Variants in DHX37 observed in about 807,000 individuals in gnomAD.
DHX37 encodes the protein probable ATP-dependent RNA helicase DHX37.
DHX37 carries 52 observed loss-of-function variants against 134.3 expected under a neutral mutation model. The observed-to-expected ratio is 0.39, with a 90% CI of 0.31 to 0.49. The LOEUF is 0.49. DHX37 is among the 20% of genes least tolerant of loss of function. The pLI is 0.93. For synonymous variants in DHX37, 634 were observed against 670.7 expected, an observed-to-expected ratio of 0.95 and a Z score of 0.85; for missense variants, 1,344 against 1,580.8, an observed-to-expected ratio of 0.85 and a Z score of 2.54.
chr12:124,973,631 C>A (rs1224195648), intron 6 of DHX37, among the ~76,000 whole-genome samples: 8 of 124,802 alleles, frequency 6.4e-5, no homozygotes, highest in East Asian at 2.8e-4. Context: ...ATGCGCCCCC[C>A]CCAACGCTTT....
intron 8 of DHX37, 30 bp downstream of exon 8, chr12:124,971,272 G>A (rs780549206): frequency 1.9e-6 from 3 of 1,604,252 alleles, no homozygotes; most frequent in Non-Finnish European, 1.7e-6. Context: ...CTAGGGCTCG[G>A]GGCTCCCCAG....
intron 1 of DHX37, 24 bp from the exon 2 acceptor site, chr12:124,986,289 C>G: frequency 6.2e-7 from 1 of 1,609,646 alleles, no homozygotes; most frequent in Non-Finnish European, 8.5e-7. Flanking sequence ...GTTATTAAGT[C>G]CCCATTCTCC....
At chr12:124,950,953 C>G in intron 21 of DHX37, 149 bp from the exon 22 acceptor site, 1 of 1,198,786 alleles carries the variant, frequency 8.3e-7, no homozygotes, top group Non-Finnish European at 1.1e-6. Flanking sequence ...CCCATCCACA[C>G]GCTGGAGTCT....
intron 21 of DHX37, 94 bp downstream of exon 21, chr12:124,952,304 G>A (rs4375522): frequency 0.6 from 802,008 of 1,347,872 alleles, 242,267 homozygotes; most frequent in East Asian, 0.83. Context: ...ACAGCTGAGA[G>A]GGAACAAGCC....
intron 15 of DHX37, among the ~76,000 whole-genome samples, chr12:124,962,981 G>A (rs548195159): frequency 5.9e-5 from 9 of 152,198 alleles, no homozygotes; most frequent in Non-Finnish European, 8.8e-5. Context: ...GTTACCATAC[G>A]GCCCAGCGGT....
At chr12:124,977,752 C>T (rs566690073) in intron 4 of DHX37, among the ~76,000 whole-genome samples, 6 of 152,298 alleles carry the variant, frequency 3.9e-5, no homozygotes, top group South Asian at 2.1e-4. Context: ...CGGGAACCCT[C>T]GGCTGTTGCT....
In DHX37 at chr12:124,954,196, G is replaced by A. The variant is rs772647267; in HGVS notation, c.2469C>T (p.Asp823=). Residue 823 remains aspartate (D), a synonymous_variant, in exon 19 of 27, where the codon GAC becomes GAT. Coordinates refer to ENST00000308736, the MANE Select transcript of DHX37 (RefSeq NM_032656.4). ...FEELDRPAAS[D]EELTRLKSKR... is the part of the protein sequence containing the mutation. ...TGCTCTTCAGCCTGGTGAGCTCCTC[G>A]TCACTGGCCGCTGGTCTGCAAACAC... 9.4e-6 allele frequency: 15 copies of A among 1,601,404 alleles called. No homozygotes were observed. In the Admixed American group the frequency reaches 1.0e-4, roughly 11 times the overall value.
chr12:124,957,002 AC>A (rs1240389289), intron 17 of DHX37, 26 bp downstream of exon 17: 11 of 1,525,774 alleles, frequency 7.2e-6, no homozygotes, highest in Non-Finnish European at 9.7e-6. Context: ...CGGGGCAGGA[AC>A]TGGGCTCTGC....
intron 16 of DHX37, among the ~76,000 whole-genome samples, chr12:124,959,277 G>C (rs11833488): frequency 6.6e-6 from 1 of 151,708 alleles, no homozygotes; most frequent in South Asian, 2.1e-4. Flanking sequence ...GTTTCACCTT[G>C]TTGGCCAAGC....
chr12:124,975,259 G>C (rs1248948287), intron 6 of DHX37, among the ~76,000 whole-genome samples, 160 bp downstream of exon 6: 1 of 152,156 alleles, frequency 6.6e-6, no homozygotes, highest in Non-Finnish European at 1.5e-5. Flanking sequence ...GCAGGTCCTG[G>C]AAAGTTCTCT....
intron 12 of DHX37, among the ~76,000 whole-genome samples, chr12:124,966,458 G>A (rs1458705710): frequency 6.6e-6 from 1 of 152,134 alleles, no homozygotes; most frequent in Non-Finnish European, 1.5e-5. Context: ...TGACCTCCTG[G>A]GCTCAGATGG....
rs1041287907 is a variant in DHX37 at position 124,949,826 on chromosome 12, G to A, written c.3290+160C>T. ...GCAAGACGGACCCTCCCCGAGAGCCGCTGCACAGACCGTGGCTCTGCAGAG... is the reference window on the plus strand; with the variant it reads ...GCAAGACGGACCCTCCCCGAGAGCCACTGCACAGACCGTGGCTCTGCAGAG... On this transcript the variant is annotated intron_variant, in intron 25 of 26. Transcript: ENST00000308736. This position sits in a 1 kb window ranked among gnomAD's most constrained non-coding sequence, Gnocchi z 4.0. Among the ~76,000 whole-genome samples the A allele has an allele frequency of 2.6e-5, 4 of 152,138 alleles. No individual in the cohort carries two copies. The highest frequency in any genetic ancestry group is 9.7e-5 in the African/African-American group (4 of 41,418).
chr12:124,968,091 A>G (rs76644451), intron 10 of DHX37, among the ~76,000 whole-genome samples: 1 of 3,946 alleles, frequency 2.5e-4, no homozygotes, highest in Non-Finnish European at 4.1e-3. Context: ...AAAAAAAAAA[A>G]GTCTGGCTGG....
intron 4 of DHX37, among the ~76,000 whole-genome samples, chr12:124,978,588 G>C (rs945336362): frequency 1.4e-5 from 2 of 147,668 alleles, no homozygotes; most frequent in African/African-American, 2.5e-5. Flanking sequence ...AAAGTGTTGG[G>C]ATTACAGGCG....
chr12:124,969,919 GAA>G (rs58228552), intron 8 of DHX37, among the ~76,000 whole-genome samples: 59 of 148,712 alleles, frequency 4.0e-4, no homozygotes, highest in African/African-American at 1.4e-3. Context: ...ACCCTGCCTC[GAA>G]AAAAAAAAAC....
chr12:124,968,833 C>A lies in DHX37; in HGVS notation c.1293+34G>T, dbSNP rs374160534. The A allele has an allele frequency of 9.9e-6, 16 of 1,612,774 alleles. 2 individuals carry two copies. The highest frequency in any genetic ancestry group is 2.2e-5 in the East Asian group (1 of 44,866). On this transcript the variant is annotated intron_variant, in intron 9 of 26. Transcript: ENST00000308736. ...CGACACCAGGGCGTCCTTGTGCCAT[C>A]CAAGCTCACAGAGGACATGGGACCC...
intron 1 of DHX37, among the ~76,000 whole-genome samples, chr12:124,987,069 G>A (rs899382372): frequency 2.0e-5 from 3 of 152,252 alleles, no homozygotes; most frequent in East Asian, 2.0e-4. Flanking sequence ...AAGAGTGTAC[G>A]GTGGGGCCGG....
chr12:124,950,637 C>G (rs910365763), intron 22 of DHX37, 53 bp downstream of exon 22: 1 of 1,594,532 alleles, frequency 6.3e-7, no homozygotes, highest in African/African-American at 1.3e-5. Flanking sequence ...CCCAGCCACA[C>G]CCCCATTAGC....
Position 124,956,821 on chromosome 12 carries a change from T to C in DHX37, c.2323A>G (p.Met775Val), listed in dbSNP as rs753571123. 1.2e-6 allele frequency: 2 copies of C among 1,611,484 alleles called. No homozygotes were observed. The highest frequency in any genetic ancestry group is 1.1e-5 in the South Asian group (1 of 90,956). Residue 775 changes from methionine (M) to valine (V), a missense_variant, in exon 18 of 27, where the codon ATG becomes GTG. This residue lies in a region of DHX37 where 558 missense variants were observed against 650.0 expected (regional missense o/e 0.86). Coordinates refer to ENST00000308736, the MANE Select transcript of DHX37 (RefSeq NM_032656.4). Reference protein sequence around the residue: ...SCPITALGRTMATFPVAPRYA... With the variant: ...SCPITALGRTVATFPVAPRYA... ...CGGGGTGCCACGGGGAATGTGGCCA[T>C]TGTCCGGCCCAGCGCAGTGATGGGG...
Sources: gnomAD v4.1 joint callset for allele counts (sites outside exome capture counted in the v4.1 genomes callset) on GRCh38, gnomAD v4.1.1 for gene constraint, gnomAD v4.1.1 regional missense constraint, Gnocchi (gnomAD v3.1) non-coding constraint, MANE v1.5 for transcripts, NCBI Gene and HGNC (gene_info 2026-07-23, HGNC 2026-07-21) for gene names.